Variants in ASIC2 observed in about 807,000 individuals in gnomAD.
The protein encoded by ASIC2 is acid-sensing ion channel 2.
ASIC2 carries 25 observed loss-of-function variants against 57.3 expected under a neutral mutation model. That is an observed-to-expected ratio of 0.44 (90% CI 0.32 to 0.61). The LOEUF (loss-of-function observed/expected upper bound fraction) is 0.61. ASIC2 is among the 20% of genes least tolerant of loss of function. ASIC2 has a pLI of 0.06. For synonymous variants in ASIC2, 319 were observed against 307.5 expected, an observed-to-expected ratio of 1.04 and a Z score of -0.39; for missense variants, 641 against 738.1, an observed-to-expected ratio of 0.87 and a Z score of 1.52.
chr17:33,351,840 G>C (rs1567832167), intron 1 of ASIC2, among the ~76,000 whole-genome samples: 1 of 152,174 alleles, frequency 6.6e-6, no homozygotes, highest in South Asian at 2.1e-4. Flanking sequence ...GAGACATGTA[G>C]ATGTGGCATG....
At chr17:33,515,028 A>G (rs1039026949) in intron 1 of ASIC2, among the ~76,000 whole-genome samples, 3 of 152,198 alleles carry the variant, frequency 2.0e-5, no homozygotes, top group Non-Finnish European at 4.4e-5. Flanking sequence ...GTGTCCACGG[A>G]TATGTGCCCA....
chr17:33,630,326 T>G (rs142907700), intron 1 of ASIC2, among the ~76,000 whole-genome samples: 189 of 152,322 alleles, frequency 1.2e-3, no homozygotes, highest in African/African-American at 4.1e-3. Context: ...ACATGGTTCC[T>G]TTTCTCTGAG....
intron 1 of ASIC2, among the ~76,000 whole-genome samples, chr17:33,868,900 C>T (rs1243488615): frequency 6.6e-6 from 1 of 152,074 alleles, no homozygotes; most frequent in Non-Finnish European, 1.5e-5. Flanking sequence ...CTTGTCTCTA[C>T]TAAAAATTAA....
intron 1 of ASIC2, among the ~76,000 whole-genome samples, chr17:33,964,049 C>A (rs1280735750): frequency 2.0e-5 from 3 of 152,182 alleles, no homozygotes; most frequent in African/African-American, 4.8e-5. Context: ...GCATACAGGG[C>A]CCAACTCCCC....
In ASIC2 at chr17:33,326,542, G is replaced by A. The variant is rs771938011; in HGVS notation, c.556-214475C>T. ...AATTCAGTGAAGAGCTGAATGTAAGGCCCTTAGTACCTGACACAAGCAAGC... is the reference window on the plus strand; with the variant it reads ...AATTCAGTGAAGAGCTGAATGTAAGACCCTTAGTACCTGACACAAGCAAGC... On this transcript the variant is annotated intron_variant, in intron 1 of 9. Transcript: ENST00000359872. Among the ~76,000 whole-genome samples, 98 of 152,124 alleles carry A rather than the reference G, an allele frequency of 6.4e-4. 1 individual carries two copies. The highest frequency in any genetic ancestry group is 1.3e-3 in the Non-Finnish European group (86 of 68,014).
chr17:34,144,202 C>T (rs1340022315), intron 1 of ASIC2, among the ~76,000 whole-genome samples: 3 of 152,138 alleles, frequency 2.0e-5, no homozygotes, highest in Non-Finnish European at 4.4e-5. Flanking sequence ...ATGAAGTATT[C>T]CATGTAAAGT....
chr17:33,245,072 A>G (rs932092771), intron 1 of ASIC2, among the ~76,000 whole-genome samples: 4 of 152,228 alleles, frequency 2.6e-5, no homozygotes, highest in African/African-American at 9.7e-5. Context: ...ATACTAATAT[A>G]GATCATAACA....
chr17:33,161,857 GTTTTTTTTTTTTTTT>G (rs199823485), intron 1 of ASIC2, among the ~76,000 whole-genome samples: 1,205 of 94,254 alleles, frequency 0.013, 26 homozygotes, highest in Non-Finnish European at 0.018. Flanking sequence ...GAATTCCTAG[GTTTTTTTTTTTTTTT>G]TTTTTTTTTT....
chr17:33,525,067 T>C (rs1353760740), intron 1 of ASIC2, among the ~76,000 whole-genome samples: 1 of 152,188 alleles, frequency 6.6e-6, no homozygotes, highest in Non-Finnish European at 1.5e-5. Context: ...CCATCACCGA[T>C]ACCTGTGTCA....
chr17:33,380,265 A>AAAAG lies in ASIC2; in HGVS notation c.556-268202_556-268199dup, dbSNP rs1555603558. ...TGTCTCAAAAAAAAAAAAAAAAAAA[A>AAAAG]AAAGAAAGAAAGAAAGAAAGAAAAA... On this transcript the variant is annotated intron_variant, in intron 1 of 9. Coordinates refer to the ASIC2 transcript ENST00000359872. Among the ~76,000 whole-genome samples, 907 of 129,942 alleles carry AAAAG rather than the reference A, an allele frequency of 7.0e-3. 15 individuals carry two copies. The highest frequency in any genetic ancestry group is 0.019 in the African/African-American group (545 of 28,552). 85.2% of individuals were successfully genotyped at this position (129,942 alleles called of 152,430 possible). A position where few individuals can be genotyped will look rare whatever the true frequency, so the allele number is the denominator to read the frequency against.
At chr17:33,464,516 C>T (rs1179001924) in intron 1 of ASIC2, among the ~76,000 whole-genome samples, 13 of 43,222 alleles carry the variant, frequency 3.0e-4, no homozygotes, top group African/African-American at 1.2e-3. Flanking sequence ...TTCTTTCTTT[C>T]TTTCTTTCTT....
At chr17:33,228,101 T>C (rs532111759) in intron 1 of ASIC2, among the ~76,000 whole-genome samples, 1 of 152,286 alleles carries the variant, frequency 6.6e-6, no homozygotes, top group African/African-American at 2.4e-5. Flanking sequence ...TCTGAGGCAC[T>C]CTTAGTGTTG....
chr17:33,170,179 A>T (rs1905456764), intron 1 of ASIC2, among the ~76,000 whole-genome samples: 1 of 152,146 alleles, frequency 6.6e-6, no homozygotes, highest in South Asian at 2.1e-4. Flanking sequence ...CTCACCTGAA[A>T]ATTATTTTCA....
chr17:33,776,472 G>A (rs1323758897), intron 1 of ASIC2, among the ~76,000 whole-genome samples: 2 of 152,206 alleles, frequency 1.3e-5, no homozygotes, highest in Non-Finnish European at 2.9e-5. Context: ...GTGGTATTCT[G>A]TTTCAGGAGT....
intron 1 of ASIC2, among the ~76,000 whole-genome samples, chr17:33,734,580 G>C (rs983783093): frequency 2.6e-5 from 4 of 152,278 alleles, no homozygotes; most frequent in African/African-American, 9.6e-5. Context: ...CCCCACAAAT[G>C]TGTATGTTGA....
chr17:34,010,015 TA>T (rs1313330837), intron 1 of ASIC2, among the ~76,000 whole-genome samples: 23 of 152,204 alleles, frequency 1.5e-4, no homozygotes, highest in African/African-American at 4.8e-4. Flanking sequence ...ATTCCCGCTG[TA>T]ACAGCAGCAT....
intron 1 of ASIC2, among the ~76,000 whole-genome samples, chr17:33,311,217 T>A (rs113641797): frequency 3.7e-4 from 57 of 152,334 alleles, no homozygotes; most frequent in African/African-American, 1.3e-3. Context: ...GGTCTCTAGG[T>A]ATGACTGGCC....
At chr17:33,755,041 G>C (rs1910553563) in intron 1 of ASIC2, among the ~76,000 whole-genome samples, 1 of 151,824 alleles carries the variant, frequency 6.6e-6, no homozygotes, top group Non-Finnish European at 1.5e-5. Flanking sequence ...TTTGCTGATG[G>C]GATTAAGTTA....
intron 1 of ASIC2, chr17:33,566,001 C>G (rs1302751171): frequency 1.3e-5 from 2 of 152,244 alleles, no homozygotes; most frequent in East Asian, 1.9e-4. Flanking sequence ...CTGCATATGC[C>G]TGTTAGAATG....
Sources: allele counts gnomAD v4.1 joint callset (sites outside exome capture counted in the v4.1 genomes callset), GRCh38; gene constraint gnomAD v4.1.1; transcripts MANE v1.5; gene names NCBI Gene and HGNC (gene_info 2026-07-23, HGNC 2026-07-21).